The following CD58 variants were observed in gnomAD, a reference collection of about 807,000 sequenced individuals.
The protein encoded by CD58 is CD58 molecule.
Under a neutral mutation model 27.6 loss-of-function variants are expected in CD58, and 14 were observed. That is an observed-to-expected ratio of 0.51 (90% CI 0.34 to 0.79). CD58 has a LOEUF of 0.79. Among genes scored for constraint, CD58 ranks in the 30% least tolerant of loss-of-function variants. The pLI is 0.02. For missense variants in CD58, 268 were observed against 301.7 expected, an observed-to-expected ratio of 0.89 and a Z score of 0.83; for synonymous variants, 117 against 103.8, an observed-to-expected ratio of 1.13 and a Z score of -0.77.
At chr1:116,560,432 C>A (rs1481167710) in intron 1 of CD58, among the ~76,000 whole-genome samples, 1 of 152,172 alleles carries the variant, frequency 6.6e-6, no homozygotes, top group Non-Finnish European at 1.5e-5. Context: ...CACTAAAATT[C>A]CTTGAGAATC....
Position 116,535,781 on chromosome 1 carries a change from C to A in CD58, c.628+184G>T, listed in dbSNP as rs1441691270. ...GCGTGAACCCAGGAGGCGGAGCTTG[C>A]AGTGAGCCGAGATCGCGCCACTGCA... is the stretch of plus-strand genomic sequence containing the variant. On this transcript the variant is annotated intron_variant, in intron 3 of 5. Transcript: ENST00000369489. Among the ~76,000 whole-genome samples the A allele has an allele frequency of 2.3e-5, 2 of 88,600 alleles. 1 individual carries two copies. The highest frequency in any genetic ancestry group is 1.2e-4 in the African/African-American group (2 of 16,732). The allele number at this position is 88,600 out of a possible 152,430, so 58.1% of individuals were successfully genotyped here. A position where few individuals can be genotyped will look rare whatever the true frequency, so the allele number is the denominator to read the frequency against.
intron 1 of CD58, among the ~76,000 whole-genome samples, chr1:116,565,272 A>G (rs1190511149): frequency 6.6e-6 from 1 of 152,164 alleles, no homozygotes; most frequent in Non-Finnish European, 1.5e-5. Context: ...ACAGGATCCA[A>G]CCCTGACTAC....
At position 116,570,335 on chromosome 1, in the gene CD58, C is replaced by A. The variant is rs3176852; in HGVS notation, c.70+568G>T. On this transcript the variant is annotated intron_variant, in intron 1 of 5. Transcript: ENST00000369489. The surrounding 1 kb of genome is among the most constrained non-coding windows in gnomAD (Gnocchi z 6.4). ...GCAGGAGTCGCACCACTTAGGAATC[C>A]CAACGTGAGGCCGCTGCCGACTGGG... 0.051 allele frequency among the ~76,000 whole-genome samples: 7,808 copies of A among 152,264 alleles called. 614 individuals carry two copies. Among genetic ancestry groups the A allele is most frequent in the African/African-American group, 0.18 (7,291 of 41,528 alleles).
rs769782430 is a variant in CD58 at position 116,519,085 on chromosome 1, T to G, written c.743+146A>C. The stretch of plus-strand genomic sequence containing the variant: ...GGCACACAGTTGGTACTTAATACAC[T>G]ATGGTTAGTATATCTGCTGATGTTA... On this transcript the variant is annotated intron_variant, in intron 5 of 5. Transcript: ENST00000369489. This position sits in a 1 kb window ranked among gnomAD's most constrained non-coding sequence, Gnocchi z 4.7. 132 of 1,475,152 alleles carry G rather than the reference T, an allele frequency of 8.9e-5. No homozygotes were observed. Among genetic ancestry groups the G allele is most frequent in the Non-Finnish European group, 1.1e-4 (119 of 1,109,608 alleles). 91.4% of individuals were successfully genotyped at this position (1,475,152 alleles called of 1,614,324 possible).
intron 3 of CD58, chr1:116,533,315 C>G (rs1014911854): frequency 7.2e-7 from 1 of 1,392,110 alleles, no homozygotes. Flanking sequence ...CAGTAACATT[C>G]TTTCCTTTCT....
At position 116,516,156 on chromosome 1, in the gene CD58, G is replaced by T. The variant is rs1374511058; in HGVS notation, c.744-1334C>A. ...CGATCCTCGCACCTCAGCCTCCCAA[G>T]TAGCTGAGACTACAGGTGTGTGCTA... is the stretch of plus-strand genomic sequence containing the variant. On this transcript the variant is annotated intron_variant, in intron 5 of 5. Transcript: ENST00000369489. This position sits in a 1 kb window ranked among gnomAD's most constrained non-coding sequence, Gnocchi z 6.1. Among the ~76,000 whole-genome samples, 1 of 152,106 alleles carries T rather than the reference G, an allele frequency of 6.6e-6. No individual in the cohort carries two copies. Among genetic ancestry groups the T allele is most frequent in the African/African-American group, 2.4e-5 (1 of 41,394 alleles).
At position 116,570,222 on chromosome 1, in the gene CD58, GT is replaced by G. The variant is rs1320976891; in HGVS notation, c.70+680del. On this transcript the variant is annotated intron_variant, in intron 1 of 5. Coordinates refer to ENST00000369489, the MANE Select transcript of CD58 (RefSeq NM_001779.3). The surrounding 1 kb of genome is among the most constrained non-coding windows in gnomAD (Gnocchi z 6.4). The stretch of plus-strand genomic sequence containing the variant: ...GGAAGAAGGGGACCTATTTCCTGAG[GT>G]TGTTGTGACGACTTGGCTGACAACA... 6.6e-6 allele frequency among the ~76,000 whole-genome samples: 1 copy of G among 152,192 alleles called. No homozygotes were observed. The highest frequency in any genetic ancestry group is 1.5e-5 in the Non-Finnish European group (1 of 68,020).
At position 116,519,338 on chromosome 1, in the gene CD58, G is replaced by T; in HGVS notation, c.707-71C>A. On this transcript the variant is annotated intron_variant, in intron 4 of 5. Transcript: ENST00000369489. The surrounding 1 kb of genome is among the most constrained non-coding windows in gnomAD (Gnocchi z 4.7). ...AAGGTGAAATGTGGAGTTACTGACT[G>T]CCTATTAGAGGCCTAAATATGGAAA... 7.2e-7 allele frequency: 1 copy of T among 1,389,378 alleles called. No individual in the cohort carries two copies. Among genetic ancestry groups the T allele is most frequent in the Non-Finnish European group, 1.0e-6 (1 of 992,964 alleles). 86.1% of individuals were successfully genotyped at this position (1,389,378 alleles called of 1,614,324 possible).
intron 3 of CD58, among the ~76,000 whole-genome samples, chr1:116,529,847 G>A (rs1001096542): frequency 6.6e-6 from 1 of 152,044 alleles, no homozygotes; most frequent in Non-Finnish European, 1.5e-5. Flanking sequence ...TAACCCCATC[G>A]CCCCATTTCT....
At chr1:116,567,018 G>A (rs1658959339) in intron 1 of CD58, among the ~76,000 whole-genome samples, 1 of 150,996 alleles carries the variant, frequency 6.6e-6, no homozygotes, top group East Asian at 2.0e-4. Context: ...GCATGTCCCT[G>A]TAGTCCCAGC....
In CD58 at chr1:116,527,052, T is replaced by C. The variant is rs191085421; in HGVS notation, c.629-5069A>G. Among the ~76,000 whole-genome samples, 78 of 152,368 alleles carry C rather than the reference T, an allele frequency of 5.1e-4. No individual in the cohort carries two copies. Among genetic ancestry groups the C allele is most frequent in the African/African-American group, 1.8e-3 (74 of 41,592 alleles). On this transcript the variant is annotated intron_variant, in intron 3 of 5. Coordinates refer to ENST00000369489, the MANE Select transcript of CD58 (RefSeq NM_001779.3). The surrounding 1 kb of genome is among the most constrained non-coding windows in gnomAD (Gnocchi z 4.4). ...GTATCCTACAAATGTGCTATAGTTT[T>C]TTATTAGTTCCAGGAGGTTTTTGGT...
chr1:116,570,845 T>A lies in CD58; in HGVS notation c.70+58A>T. 7.1e-7 allele frequency: 1 copy of A among 1,399,456 alleles called. No individual in the cohort carries two copies. The allele number at this position is 1,399,456 out of a possible 1,614,324, so 86.7% of individuals were successfully genotyped here. A position where few individuals can be genotyped will look rare whatever the true frequency, so the allele number is the denominator to read the frequency against. On this transcript the variant is annotated intron_variant, in intron 1 of 5. Transcript: ENST00000369489. This position sits in a 1 kb window ranked among gnomAD's most constrained non-coding sequence, Gnocchi z 6.4. ...TCGAGCCCGGCGCGTCCACCCAGCC[T>A]GGGTGCTGCCCAGTACCCGCCGGCC...
intron 1 of CD58, among the ~76,000 whole-genome samples, chr1:116,560,702 A>T (rs941598794): frequency 2.6e-5 from 4 of 152,228 alleles, no homozygotes; most frequent in African/African-American, 9.6e-5. Flanking sequence ...AGCAAAGTTC[A>T]CTAGAACCTA....
chr1:116,559,257 C>A lies in CD58; in HGVS notation c.70+11646G>T, dbSNP rs79802569. Among the ~76,000 whole-genome samples, 1 of 152,070 alleles carries A rather than the reference C, an allele frequency of 6.6e-6. No homozygotes were observed. Among genetic ancestry groups the A allele is most frequent in the South Asian group, 2.1e-4 (1 of 4,830 alleles). ...AGAAAGGAGTTATTTCTTGAGAACA[C>A]GCCTATCAAAGTAAGGTGGTTTGCT... is the stretch of plus-strand genomic sequence containing the variant. On this transcript the variant is annotated intron_variant, in intron 1 of 5. Coordinates refer to ENST00000369489, the MANE Select transcript of CD58 (RefSeq NM_001779.3). The surrounding 1 kb of genome is among the most constrained non-coding windows in gnomAD (Gnocchi z 4.4).
chr1:116,551,593 G>A (rs1658394008), intron 1 of CD58, among the ~76,000 whole-genome samples: 1 of 152,032 alleles, frequency 6.6e-6, no homozygotes, highest in Admixed American at 6.6e-5. Context: ...CAATAACGCT[G>A]TTTCACTTTC....
intron 1 of CD58, among the ~76,000 whole-genome samples, chr1:116,553,199 T>C (rs1206550599): frequency 3.3e-5 from 5 of 152,102 alleles, no homozygotes; most frequent in Admixed American, 3.3e-4. Flanking sequence ...GCTCCTTATA[T>C]GTTATATATT....
Position 116,570,848 on chromosome 1 carries a change from GTGC to G in CD58, c.70+52_70+54del. ...AGCCCGGCGCGTCCACCCAGCCTGG[GTGC>G]TGCCCAGTACCCGCCGGCCGGCGCG... On this transcript the variant is annotated intron_variant, in intron 1 of 5. Coordinates refer to ENST00000369489, the MANE Select transcript of CD58 (RefSeq NM_001779.3). The surrounding 1 kb of genome is among the most constrained non-coding windows in gnomAD (Gnocchi z 6.4). 7.0e-7 allele frequency: 1 copy of G among 1,428,348 alleles called. No individual in the cohort carries two copies. The highest frequency in any genetic ancestry group is 2.3e-4 in the Middle Eastern group (1 of 4,368). The allele number at this position is 1,428,348 out of a possible 1,614,324, so 88.5% of individuals were successfully genotyped here.
chr1:116,556,255 G>GAAAAAA (rs1158092746), intron 1 of CD58, among the ~76,000 whole-genome samples: 2 of 29,822 alleles, frequency 6.7e-5, no homozygotes, highest in Non-Finnish European at 1.7e-4. Context: ...CTCCATCTCA[G>GAAAAAA]AAAAAAAAAA....
intron 1 of CD58, among the ~76,000 whole-genome samples, chr1:116,549,757 T>A (rs1238298025): frequency 6.6e-6 from 1 of 152,140 alleles, no homozygotes; most frequent in Non-Finnish European, 1.5e-5. Context: ...TCAGAATACA[T>A]CTTTCAATAT....
Sources: gnomAD v4.1 joint callset for allele counts (sites outside exome capture counted in the v4.1 genomes callset) on GRCh38, gnomAD v4.1.1 for gene constraint, Gnocchi (gnomAD v3.1) non-coding constraint, MANE v1.5 for transcripts, NCBI Gene and HGNC (gene_info 2026-07-23, HGNC 2026-07-21) for gene names.